MGAT4C: variants seen among roughly 807,000 people sequenced by gnomAD.
MGAT4C encodes alpha-1,3-mannosyl-glycoprotein 4-beta-N-acetylglucosaminyltransferase C.
In MGAT4C, 19 loss-of-function variants were observed where a neutral mutation model predicts 40.1. That is an observed-to-expected ratio of 0.47 (90% CI 0.33 to 0.70). The LOEUF (loss-of-function observed/expected upper bound fraction) is 0.70, where lower values mean the gene tolerates loss of function less well. MGAT4C is among the 30% of genes least tolerant of loss of function. The pLI, the probability that MGAT4C is intolerant of heterozygous loss-of-function variation, is 0.02. For synonymous variants in MGAT4C, 181 were observed against 187.1 expected, an observed-to-expected ratio of 0.97 and a Z score of 0.27; for missense variants, 491 against 563.2, an observed-to-expected ratio of 0.87 and a Z score of 1.30.
chr12:86,599,310 G>A (rs1382169104), intron 2 of MGAT4C, among the ~76,000 whole-genome samples: 3 of 152,022 alleles, frequency 2.0e-5, no homozygotes, highest in African/African-American at 4.8e-5. Context: ...CAGATTAGAT[G>A]CATTAAAAAT....
chr12:86,080,572 C>A (rs573530454), intron 1 of MGAT4C, among the ~76,000 whole-genome samples: 1 of 152,070 alleles, frequency 6.6e-6, no homozygotes, highest in Non-Finnish European at 1.5e-5. Context: ...CATGTCAGAG[C>A]GCACACACGC....
At chr12:86,376,691 T>C (rs754100507) in intron 3 of MGAT4C, among the ~76,000 whole-genome samples, 4 of 151,636 alleles carry the variant, frequency 2.6e-5, no homozygotes, top group South Asian at 2.1e-4. Flanking sequence ...ATTAACTCAA[T>C]AGGAAAAATA....
intron 1 of MGAT4C, among the ~76,000 whole-genome samples, chr12:86,785,612 AAT>A (rs1341274881): frequency 5.9e-5 from 9 of 151,938 alleles, no homozygotes; most frequent in African/African-American, 1.2e-4. Context: ...AAAAAATAAC[AAT>A]AGTCAATAAA....
intron 1 of MGAT4C, among the ~76,000 whole-genome samples, chr12:86,788,601 T>C (rs745411326): frequency 1.3e-5 from 2 of 152,176 alleles, no homozygotes; most frequent in Non-Finnish European, 2.9e-5. Context: ...TCAATTTATG[T>C]TGCTTAAAAC....
chr12:86,178,892 T>C (rs1052160338), intron 1 of MGAT4C, among the ~76,000 whole-genome samples: 6 of 152,218 alleles, frequency 3.9e-5, no homozygotes, highest in African/African-American at 1.2e-4. Flanking sequence ...CTGTGATCTT[T>C]ATGATTTCAC....
chr12:86,656,675 T>C (rs1963857595), intron 2 of MGAT4C, among the ~76,000 whole-genome samples: 1 of 152,016 alleles, frequency 6.6e-6, no homozygotes, highest in Non-Finnish European at 1.5e-5. Flanking sequence ...GTGTGAAAAA[T>C]GCTTCGTGAG....
intron 1 of MGAT4C, among the ~76,000 whole-genome samples, chr12:86,768,550 G>C (rs1166961557): frequency 5.4e-4 from 82 of 151,644 alleles, no homozygotes; most frequent in South Asian, 2.1e-4. Flanking sequence ...AAAAGAGCCT[G>C]CATCGCCAAG....
chr12:86,195,825 G>A (rs1465228933), intron 1 of MGAT4C, among the ~76,000 whole-genome samples: 1 of 152,078 alleles, frequency 6.6e-6, no homozygotes, highest in Non-Finnish European at 1.5e-5. Flanking sequence ...ATTATATATA[G>A]TAGAAAAATA....
rs374997857 is a variant in MGAT4C at position 86,198,428 on chromosome 12, C to A, written c.-57+57811G>T. ...ACATTACATTTGCATTTTTTAGTAA[C>A]CTCTACAGTTATAAAACATTGCTTT... On this transcript the variant is annotated intron_variant, in intron 1 of 4. Coordinates refer to ENST00000611864, the MANE Select transcript of MGAT4C (RefSeq NM_001351288.2). Among the ~76,000 whole-genome samples, 12 of 152,016 alleles carry A rather than the reference C, an allele frequency of 7.9e-5. No homozygotes were observed. The East Asian group carries it at 2.3e-3, about 29-fold the overall frequency.
intron 2 of MGAT4C, among the ~76,000 whole-genome samples, chr12:85,999,390 C>T (rs1447662232): frequency 1.3e-5 from 2 of 151,922 alleles, no homozygotes; most frequent in African/African-American, 4.8e-5. Flanking sequence ...TTAAAGAAAT[C>T]GAAATTATAT....
chr12:86,352,323 A>G (rs1033610183), intron 3 of MGAT4C, among the ~76,000 whole-genome samples: 4 of 152,116 alleles, frequency 2.6e-5, no homozygotes, highest in Admixed American at 6.6e-5. Context: ...GACATCCTTG[A>G]AAAAAATTAG....
chr12:86,275,995 C>T lies in MGAT4C; in HGVS notation c.-57+58070G>A, dbSNP rs539393414. ...AAAATTAGCCGGGCGTGGTGTTGGCCGCTTGTAGTCCCAGCTACAGGCTGA... is the reference window on the plus strand; with the variant it reads ...AAAATTAGCCGGGCGTGGTGTTGGCTGCTTGTAGTCCCAGCTACAGGCTGA... On this transcript the variant is annotated intron_variant, in intron 4 of 7. Coordinates refer to the MGAT4C transcript ENST00000548651. 4.1e-5 allele frequency among the ~76,000 whole-genome samples: 6 copies of T among 144,908 alleles called. No individual in the cohort carries two copies. The South Asian group carries it at 8.8e-4, about 21-fold the overall frequency.
At chr12:86,373,425 C>A (rs527944232) in intron 3 of MGAT4C, among the ~76,000 whole-genome samples, 4 of 151,800 alleles carry the variant, frequency 2.6e-5, no homozygotes, top group Non-Finnish European at 5.9e-5. Context: ...TGAAACTGTC[C>A]AGACAGAATT....
rs1180766937 is a variant in MGAT4C at position 86,830,307 on chromosome 12, C to T, written c.-262+8359G>A. ...GCCCCTGTCATGGGGTCTGACTATT[C>T]CTATCCCATTTTTAATTTCTATCTG... On this transcript the variant is annotated intron_variant, in intron 1 of 7. Transcript: ENST00000548651. Among the ~76,000 whole-genome samples, 5 of 151,566 alleles carry T rather than the reference C, an allele frequency of 3.3e-5. No individual in the cohort carries two copies. The East Asian group carries it at 9.7e-4, about 30-fold the overall frequency.
chr12:86,233,224 C>T (rs750648420), intron 1 of MGAT4C, among the ~76,000 whole-genome samples: 2 of 152,108 alleles, frequency 1.3e-5, no homozygotes, highest in Non-Finnish European at 2.9e-5. Context: ...AAACAGTTTT[C>T]TTCATAAGCA....
At chr12:86,447,767 G>A (rs1247846665) in intron 2 of MGAT4C, among the ~76,000 whole-genome samples, 1 of 152,140 alleles carries the variant, frequency 6.6e-6, no homozygotes, top group Non-Finnish European at 1.5e-5. Context: ...AGATATTGAG[G>A]TAGGTAGAAT....
chr12:86,828,741 C>T (rs1315434763), intron 1 of MGAT4C, among the ~76,000 whole-genome samples: 2 of 151,278 alleles, frequency 1.3e-5, no homozygotes, highest in Non-Finnish European at 3.0e-5. Flanking sequence ...TTATGCTAAG[C>T]AAAAGAAGCA....
At chr12:86,234,020 T>C (rs912449689) in intron 1 of MGAT4C, among the ~76,000 whole-genome samples, 2 of 152,186 alleles carry the variant, frequency 1.3e-5, no homozygotes, top group Admixed American at 6.6e-5. Context: ...GATATTAATT[T>C]ATTTTATGTT....
At chr12:86,680,287 C>A (rs1457119884) in intron 2 of MGAT4C, among the ~76,000 whole-genome samples, 1 of 151,848 alleles carries the variant, frequency 6.6e-6, no homozygotes, top group Non-Finnish European at 1.5e-5. Context: ...TGTAAACTAA[C>A]TGAAAATTTT....
Sources: gnomAD v4.1 joint callset for allele counts (sites outside exome capture counted in the v4.1 genomes callset) on GRCh38, gnomAD v4.1.1 for gene constraint, MANE v1.5 for transcripts, NCBI Gene and HGNC (gene_info 2026-07-23, HGNC 2026-07-21) for gene names.